KSR2: variants seen among roughly 807,000 people sequenced by gnomAD.
The protein encoded by KSR2 is kinase suppressor of ras 2.
Under a neutral mutation model 107.8 loss-of-function variants are expected in KSR2, and 25 were observed. That is an observed-to-expected ratio of 0.23 (90% CI 0.17 to 0.32). The LOEUF is 0.32. Among genes scored for constraint, KSR2 ranks in the 10% least tolerant of loss-of-function variants. The pLI, the probability that KSR2 is intolerant of heterozygous loss-of-function variation, is 1.00. For synonymous variants in KSR2, 480 were observed against 507.0 expected (o/e 0.95, Z 0.71); for missense variants, 887 against 1,268.9 (o/e 0.70, Z 4.57).
intron 5 of KSR2, among the ~76,000 whole-genome samples, chr12:117,615,544 C>A (rs1288834162): frequency 1.3e-5 from 2 of 152,244 alleles, no homozygotes; most frequent in Non-Finnish European, 2.9e-5. Flanking sequence ...TGACTAGCTC[C>A]TGTGAAACTA....
intron 14 of KSR2, among the ~76,000 whole-genome samples, chr12:117,519,265 A>C (rs1047137201): frequency 6.6e-6 from 1 of 152,182 alleles, no homozygotes; most frequent in African/African-American, 2.4e-5. Flanking sequence ...AGAGGTTTCC[A>C]AGGTGTGCCC....
At chr12:117,780,998 T>C (rs922678413) in intron 3 of KSR2, among the ~76,000 whole-genome samples, 2 of 152,176 alleles carry the variant, frequency 1.3e-5, no homozygotes, top group African/African-American at 2.4e-5. Context: ...TCTCACTGAA[T>C]TGTAGCTTCC....
chr12:117,472,274 G>A lies in KSR2; in HGVS notation c.2583-954C>T, dbSNP rs540046136. 2.0e-5 allele frequency among the ~76,000 whole-genome samples: 3 copies of A among 152,296 alleles called. No homozygotes were observed. The East Asian group carries it at 5.8e-4, about 29-fold the overall frequency. ...CATTATTTTCTGTTTCATAAGTCAT[G>A]ACATTGTAATTAATGGAGAGAGGAT... On this transcript the variant is annotated intron_variant, in intron 17 of 19. Coordinates refer to ENST00000339824, the MANE Select transcript of KSR2 (RefSeq NM_173598.6).
rs753863982 is a variant in KSR2, at chr12:117,476,457, C to T, written c.2582+7G>A. On this transcript the variant is annotated splice_region_variant and intron_variant, in intron 17 of 19. Coordinates refer to ENST00000339824, the MANE Select transcript of KSR2 (RefSeq NM_173598.6). ...GGCTCTCAATGGCCAGGGCAGGGCCCACTTACCCAAGGGCAAAGACGTCAG... is the reference window on the plus strand; with the variant it reads ...GGCTCTCAATGGCCAGGGCAGGGCCTACTTACCCAAGGGCAAAGACGTCAG... 1.9e-6 allele frequency: 3 copies of T among 1,592,000 alleles called. No individual in the cohort carries two copies. In the South Asian group the frequency reaches 3.5e-5, roughly 18 times the overall value.
chr12:117,766,007 G>A (rs1889211789), intron 3 of KSR2, among the ~76,000 whole-genome samples: 1 of 152,142 alleles, frequency 6.6e-6, no homozygotes, highest in East Asian at 1.9e-4. Flanking sequence ...CCAGTCTAGT[G>A]AAAATGATCA....
chr12:117,483,372 A>G (rs1475994666), intron 16 of KSR2, among the ~76,000 whole-genome samples: 1 of 151,940 alleles, frequency 6.6e-6, no homozygotes, highest in Non-Finnish European at 1.5e-5. Context: ...TCCTCAAAAA[A>G]ATAAAAAAAT....
intron 5 of KSR2, among the ~76,000 whole-genome samples, chr12:117,593,447 C>T (rs1880442623): frequency 6.6e-6 from 1 of 152,244 alleles, no homozygotes; most frequent in Non-Finnish European, 1.5e-5. Flanking sequence ...TTGGGCTTGA[C>T]ATTTGGACCC....
chr12:117,474,564 C>G (rs1043532353), intron 17 of KSR2, among the ~76,000 whole-genome samples: 1 of 152,250 alleles, frequency 6.6e-6, no homozygotes, highest in East Asian at 1.9e-4. Context: ...TTATCTCCCC[C>G]AGCCCTTGCA....
At chr12:117,833,931 C>G (rs1437092479) in intron 3 of KSR2, among the ~76,000 whole-genome samples, 2 of 151,528 alleles carry the variant, frequency 1.3e-5, no homozygotes, top group Non-Finnish European at 1.5e-5. Flanking sequence ...GAGTTCAATA[C>G]CAGCCTGGGC....
At chr12:117,794,218 C>A (rs552046715) in intron 3 of KSR2, among the ~76,000 whole-genome samples, 2 of 115,066 alleles carry the variant, frequency 1.7e-5, no homozygotes, top group Non-Finnish European at 1.7e-5. Flanking sequence ...CACCAACATG[C>A]ACACACACCA....
At chr12:117,902,475 G>A (rs1024912467) in intron 1 of KSR2, among the ~76,000 whole-genome samples, 18 of 137,444 alleles carry the variant, frequency 1.3e-4, no homozygotes, top group Non-Finnish European at 2.0e-4. Context: ...CAGCCTGGGC[G>A]ACAGAGTGAG....
intron 3 of KSR2, among the ~76,000 whole-genome samples, chr12:117,823,809 A>G (rs1891647043): frequency 6.6e-6 from 1 of 152,204 alleles, no homozygotes; most frequent in African/African-American, 2.4e-5. Flanking sequence ...CCTGACATAT[A>G]ATTAGGACAG....
chr12:117,540,481 C>G (rs1482780050), intron 9 of KSR2, among the ~76,000 whole-genome samples: 1 of 152,188 alleles, frequency 6.6e-6, no homozygotes, highest in African/African-American at 2.4e-5. Context: ...GACGTCCACC[C>G]AGGACCTCTG....
At chr12:117,744,833 C>T (rs956865035) in intron 4 of KSR2, among the ~76,000 whole-genome samples, 4 of 152,186 alleles carry the variant, frequency 2.6e-5, no homozygotes, top group African/African-American at 9.7e-5. Flanking sequence ...TCCTATCCTC[C>T]ACAGTGTTAT....
At chr12:117,657,910 T>C (rs567989022) in intron 5 of KSR2, among the ~76,000 whole-genome samples, 9 of 152,244 alleles carry the variant, frequency 5.9e-5, no homozygotes, top group Non-Finnish European at 1.2e-4. Context: ...CAAATACTCA[T>C]ATAAGTACAC....
chr12:117,844,030 T>G (rs1298930168), intron 3 of KSR2, among the ~76,000 whole-genome samples: 1 of 151,338 alleles, frequency 6.6e-6, no homozygotes, highest in African/African-American at 2.4e-5. Flanking sequence ...ATACTCACAG[T>G]AATTTGGCTT....
At chr12:117,608,852 G>T (rs992158025) in intron 5 of KSR2, among the ~76,000 whole-genome samples, 5 of 152,064 alleles carry the variant, frequency 3.3e-5, no homozygotes, top group Non-Finnish European at 7.4e-5. Context: ...TGGAGCTCTG[G>T]GTGGGCTAAT....
chr12:117,617,255 C>G (rs1435498769), intron 5 of KSR2, among the ~76,000 whole-genome samples: 1 of 152,178 alleles, frequency 6.6e-6, no homozygotes, highest in African/African-American at 2.4e-5. Context: ...TTTCCCTCTA[C>G]TTTTTGTTTC....
intron 3 of KSR2, among the ~76,000 whole-genome samples, chr12:117,771,487 G>A (rs1207575395): frequency 2.0e-5 from 3 of 152,132 alleles, no homozygotes; most frequent in Non-Finnish European, 2.9e-5. Flanking sequence ...CTGTGTCATG[G>A]GCGTGCATCT....
Sources: allele counts gnomAD v4.1 joint callset (sites outside exome capture counted in the v4.1 genomes callset), GRCh38; gene constraint gnomAD v4.1.1; transcripts MANE v1.5; gene names NCBI Gene and HGNC (gene_info 2026-07-23, HGNC 2026-07-21).